Variants in EML5 observed in about 807,000 individuals in gnomAD.
EML5 encodes EMAP like 5, also known as echinoderm microtubule-associated protein-like 5.
Under a neutral mutation model 250.0 loss-of-function variants are expected in EML5, and 120 were observed. That is an observed-to-expected ratio of 0.48 (90% confidence interval 0.41 to 0.56). EML5 has a LOEUF of 0.56. Among genes scored for constraint, EML5 ranks in the 20% least tolerant of loss-of-function variants. The probability of loss-of-function intolerance (pLI) is 0.00; values close to 1 mark genes in which losing one functional copy is unlikely to be tolerated. For missense variants in EML5, 2,006 were observed against 2,437.6 expected, an observed-to-expected ratio of 0.82 and a Z score of 3.73; for synonymous variants, 771 against 806.5, an observed-to-expected ratio of 0.96 and a Z score of 0.75.
intron 8 of EML5, among the ~76,000 whole-genome samples, chr14:88,719,349 G>A (rs942229132): frequency 4.6e-5 from 7 of 152,186 alleles, no homozygotes; most frequent in African/African-American, 1.7e-4. Context: ...TTGTGCTACT[G>A]TACTCCAGCC....
chr14:88,622,871 C>T (rs1414415592), intron 36 of EML5, 153 bp from the exon 37 acceptor site: 2 of 498,018 alleles, frequency 4.0e-6, no homozygotes, highest in African/African-American at 3.9e-5. Context: ...CTTTCTATGG[C>T]AATTTGAGGA....
intron 1 of EML5, among the ~76,000 whole-genome samples, chr14:88,782,331 G>C (rs930070443): frequency 9.2e-5 from 14 of 152,152 alleles, no homozygotes; most frequent in African/African-American, 3.4e-4. Flanking sequence ...GAATTCAAGA[G>C]GAAGCAGAGC....
intron 3 of EML5, among the ~76,000 whole-genome samples, chr14:88,745,073 T>A (rs556836756): frequency 1.6e-4 from 24 of 152,130 alleles, no homozygotes; most frequent in South Asian, 1.0e-3. Flanking sequence ...TTCCAAATAG[T>A]CATGTGCAAA....
intron 32 of EML5, among the ~76,000 whole-genome samples, chr14:88,637,828 G>A (rs1435842686): frequency 1.3e-5 from 2 of 152,064 alleles, no homozygotes; most frequent in Admixed American, 1.3e-4. Flanking sequence ...ACAAACAGAA[G>A]CTAGACCTAT....
intron 27 of EML5, among the ~76,000 whole-genome samples, chr14:88,652,734 C>T (rs554850010): frequency 2.0e-5 from 3 of 152,180 alleles, no homozygotes; most frequent in African/African-American, 7.2e-5. Context: ...TTCTTTAAAC[C>T]TCTTTGCTTC....
chr14:88,615,836 A>G lies in EML5; in HGVS notation c.5916T>C (p.Cys1972=), dbSNP rs1322286165. The G allele has an allele frequency of 9.9e-6, 16 of 1,611,764 alleles. No individual in the cohort carries two copies. Among genetic ancestry groups the G allele is most frequent in the Non-Finnish European group, 1.2e-5 (14 of 1,179,054 alleles). ...GCATCTCTCAGTGAGGTGTATGTAC[A>G]CATTTCCAGACAAATAAGCTGCAAT... ...GDDCSLFVWK[C]VHTPH Residue 1972 remains cysteine, a synonymous_variant, in exon 44 of 44, where the codon TGT becomes TGC. Transcript: ENST00000554922.
intron 10 of EML5, among the ~76,000 whole-genome samples, chr14:88,710,214 G>A (rs2093381716): frequency 6.6e-6 from 1 of 152,136 alleles, no homozygotes; most frequent in Admixed American, 6.5e-5. Flanking sequence ...AAAATATGAA[G>A]AGGGGTGGAA....
rs2088666973 is a variant in EML5, at chr14:88,620,378, A to C, written c.5375+376T>G. Reference sequence around the variant, plus strand: ...AACTACATATTCCCAAACTGAGGTTACTAAGAGAAGATATGTTTGAAATCA... The same window carrying C: ...AACTACATATTCCCAAACTGAGGTTCCTAAGAGAAGATATGTTTGAAATCA... On this transcript the variant is annotated intron_variant, in intron 39 of 43. Coordinates refer to ENST00000554922, the MANE Select transcript of EML5 (RefSeq NM_183387.3). This position sits in a 1 kb window ranked among gnomAD's most constrained non-coding sequence, Gnocchi z 4.3. 6.0e-6 allele frequency: 1 copy of C among 165,524 alleles called. No homozygotes were observed. Among genetic ancestry groups the C allele is most frequent in the South Asian group, 2.0e-4 (1 of 4,964 alleles). 10.3% of individuals were successfully genotyped at this position (165,524 alleles called of 1,614,324 possible).
At chr14:88,763,975 T>C (rs1474842922) in intron 1 of EML5, among the ~76,000 whole-genome samples, 1 of 152,222 alleles carries the variant, frequency 6.6e-6, no homozygotes, top group African/African-American at 2.4e-5. Context: ...GTCAAATGCT[T>C]TTCCTGTAAC....
chr14:88,714,447 A>G (rs1331394685), intron 9 of EML5, among the ~76,000 whole-genome samples: 1 of 152,150 alleles, frequency 6.6e-6, no homozygotes, highest in Non-Finnish European at 1.5e-5. Flanking sequence ...TACAGGATGA[A>G]TAAATTCAGA....
chr14:88,713,260 TG>T (rs1436407471), intron 9 of EML5, among the ~76,000 whole-genome samples: 2 of 151,894 alleles, frequency 1.3e-5, no homozygotes, highest in East Asian at 3.9e-4. Flanking sequence ...GGCATGGTGG[TG>T]GGCACCTGTA....
intron 8 of EML5, among the ~76,000 whole-genome samples, chr14:88,717,024 C>T (rs1220273258): frequency 6.6e-6 from 1 of 152,172 alleles, no homozygotes; most frequent in East Asian, 1.9e-4. Context: ...AATACTCATA[C>T]ATGAACAGTT....
At chr14:88,628,867 T>C (rs757543517) in intron 33 of EML5, among the ~76,000 whole-genome samples, 33 of 152,100 alleles carry the variant, frequency 2.2e-4, no homozygotes, top group Non-Finnish European at 4.1e-4. Context: ...TAAGTAGAAA[T>C]TGTTCAAAGA....
At chr14:88,719,983 A>G (rs2093564978) in intron 8 of EML5, among the ~76,000 whole-genome samples, 1 of 152,176 alleles carries the variant, frequency 6.6e-6, no homozygotes. Context: ...AGAAATACAA[A>G]CAACCATCAG....
chr14:88,733,766 T>C (rs143318844), intron 7 of EML5, among the ~76,000 whole-genome samples: 39 of 152,246 alleles, frequency 2.6e-4, no homozygotes, highest in African/African-American at 9.4e-4. Flanking sequence ...AACAATTAGG[T>C]TGAGTCCCCA....
In EML5 at chr14:88,624,866, G is replaced by A. The variant is rs114063242; in HGVS notation, c.4898+104C>T. ...GGAGAAGCATATGAGGAGGAAGGTC[G>A]GAGAGGACACTCTGTGTAGCCTAGA... On this transcript the variant is annotated intron_variant, in intron 36 of 43. Transcript: ENST00000554922. The A allele has an allele frequency of 5.0e-4, 651 of 1,293,748 alleles. 4 individuals carry two copies. The highest frequency in any genetic ancestry group is 4.7e-3 in the South Asian group (302 of 64,688). The allele number at this position is 1,293,748 out of a possible 1,614,324, so 80.1% of individuals were successfully genotyped here.
intron 17 of EML5, among the ~76,000 whole-genome samples, chr14:88,690,975 G>C (rs2092944686): frequency 6.6e-6 from 1 of 152,324 alleles, no homozygotes; most frequent in East Asian, 1.9e-4. Flanking sequence ...CAGAGACCAA[G>C]TCTGTTTACT....
chr14:88,704,176 C>G (rs1465622227), intron 13 of EML5, among the ~76,000 whole-genome samples: 1 of 152,122 alleles, frequency 6.6e-6, no homozygotes, highest in African/African-American at 2.4e-5. Context: ...GTGCCATCCC[C>G]TTGGTGATGA....
Position 88,620,988 on chromosome 14 carries a change from T to C in EML5, c.5203-62A>G. On this transcript the variant is annotated intron_variant, in intron 38 of 43. Coordinates refer to ENST00000554922, the MANE Select transcript of EML5 (RefSeq NM_183387.3). The surrounding 1 kb of genome is among the most constrained non-coding windows in gnomAD (Gnocchi z 4.3). Reference sequence around the variant, plus strand: ...AACATTAAGTGAAGTACTTCTAAATTATACCAGTTTCCCCTCAAAATGCTC... The same window carrying C: ...AACATTAAGTGAAGTACTTCTAAATCATACCAGTTTCCCCTCAAAATGCTC... 6.8e-7 allele frequency: 1 copy of C among 1,471,678 alleles called. No homozygotes were observed. The highest frequency in any genetic ancestry group is 9.0e-7 in the Non-Finnish European group (1 of 1,113,710). The allele number at this position is 1,471,678 out of a possible 1,614,324, so 91.2% of individuals were successfully genotyped here.
Sources: allele counts gnomAD v4.1 joint callset (sites outside exome capture counted in the v4.1 genomes callset), GRCh38; gene constraint gnomAD v4.1.1; non-coding constraint Gnocchi (gnomAD v3.1); transcripts MANE v1.5; gene names NCBI Gene and HGNC (gene_info 2026-07-23, HGNC 2026-07-21).